The following CXCL13 variants were observed in gnomAD, a reference collection of about 807,000 sequenced individuals.
CXCL13 encodes the protein C-X-C motif chemokine ligand 13, also known as C-X-C motif chemokine 13.
CXCL13 carries 7 observed loss-of-function variants against 12.2 expected under a neutral mutation model. The observed-to-expected ratio is 0.57, with a 90% CI of 0.33 to 1.07. The LOEUF is 1.07. Ranked by LOEUF, CXCL13 falls within the 50% of genes least tolerant of loss-of-function variation. The probability of loss-of-function intolerance (pLI) is 0.04; values close to 1 mark genes in which losing one functional copy is unlikely to be tolerated. For missense variants in CXCL13, 113 were observed against 127.4 expected (o/e 0.89, Z 0.55); for synonymous variants, 47 against 42.4 (o/e 1.11, Z -0.42).
chr4:77,596,153 C>T (rs764827765), intron 1 of CXCL13, among the ~76,000 whole-genome samples: 5 of 152,136 alleles, frequency 3.3e-5, no homozygotes, highest in East Asian at 1.9e-4. Flanking sequence ...CCTGTTGTCC[C>T]GGAAGGGAGC....
At chr4:77,526,633 G>A (rs1250881082) in intron 1 of CXCL13, among the ~76,000 whole-genome samples, 1 of 152,152 alleles carries the variant, frequency 6.6e-6, no homozygotes, top group Admixed American at 6.6e-5. Flanking sequence ...AGGGCTTCAA[G>A]TGAGGAAAGA....
intron 1 of CXCL13, among the ~76,000 whole-genome samples, chr4:77,557,181 T>C (rs1220065556): frequency 1.3e-5 from 2 of 152,238 alleles, no homozygotes; most frequent in East Asian, 3.8e-4. Flanking sequence ...AATTCATTGA[T>C]TACTTGGTTC....
intron 1 of CXCL13, among the ~76,000 whole-genome samples, chr4:77,558,856 T>A (rs555484343): frequency 6.6e-6 from 1 of 152,316 alleles, no homozygotes; most frequent in South Asian, 2.1e-4. Flanking sequence ...GATCCTCAAC[T>A]TTTTTGGACC....
At chr4:77,551,625 T>C (rs1725523907) in intron 1 of CXCL13, among the ~76,000 whole-genome samples, 1 of 152,210 alleles carries the variant, frequency 6.6e-6, no homozygotes, top group Admixed American at 6.5e-5. Flanking sequence ...AAGTGTTTTC[T>C]AGAATGTCTA....
At chr4:77,515,764 T>C (rs973454480) in intron 1 of CXCL13, among the ~76,000 whole-genome samples, 2 of 152,214 alleles carry the variant, frequency 1.3e-5, no homozygotes, top group Admixed American at 6.5e-5. Context: ...CAGGGACAAT[T>C]TGACTTCCTC....
At chr4:77,564,233 G>A (rs1725875172) in intron 1 of CXCL13, among the ~76,000 whole-genome samples, 1 of 152,174 alleles carries the variant, frequency 6.6e-6, no homozygotes, top group Non-Finnish European at 1.5e-5. Context: ...TCCAACAAAA[G>A]CTGGAGTTTC....
chr4:77,559,590 CGT>C (rs376338194), intron 1 of CXCL13, among the ~76,000 whole-genome samples: 18 of 148,194 alleles, frequency 1.2e-4, no homozygotes, highest in South Asian at 2.1e-4. Flanking sequence ...CTAAATATGC[CGT>C]GTGTGTGTGT....
chr4:77,600,196 G>A (rs913295960), intron 1 of CXCL13, among the ~76,000 whole-genome samples: 2 of 151,992 alleles, frequency 1.3e-5, no homozygotes, highest in South Asian at 2.1e-4. Context: ...AGATACCAAT[G>A]TGAGAGGACT....
chr4:77,571,182 A>T (rs1726070081), intron 1 of CXCL13, among the ~76,000 whole-genome samples: 1 of 151,870 alleles, frequency 6.6e-6, no homozygotes, highest in Admixed American at 6.5e-5. Flanking sequence ...TTGTAAACAC[A>T]CCAATCAGCA....
chr4:77,539,435 A>G (rs1029395138), intron 1 of CXCL13, among the ~76,000 whole-genome samples: 1 of 151,970 alleles, frequency 6.6e-6, no homozygotes, highest in Non-Finnish European at 1.5e-5. Context: ...CCCCAGTTTG[A>G]CCTTTTGACT....
At chr4:77,549,200 G>A (rs1239975865) in intron 1 of CXCL13, among the ~76,000 whole-genome samples, 2 of 152,134 alleles carry the variant, frequency 1.3e-5, no homozygotes, top group East Asian at 3.8e-4. Flanking sequence ...GTCATTTAAG[G>A]TCTTCTCTAT....
intron 1 of CXCL13, among the ~76,000 whole-genome samples, chr4:77,549,250 A>G (rs972341802): frequency 1.3e-5 from 2 of 152,058 alleles, no homozygotes; most frequent in Non-Finnish European, 2.9e-5. Context: ...ATCTTTTTTC[A>G]AGGCCTTTAG....
chr4:77,583,717 G>A (rs1160783931), intron 1 of CXCL13, among the ~76,000 whole-genome samples: 1 of 152,230 alleles, frequency 6.6e-6, no homozygotes, highest in South Asian at 2.1e-4. Flanking sequence ...TGCATTGACC[G>A]GGTCCTCTGA....
chr4:77,552,432 G>A (rs75129840), intron 1 of CXCL13, among the ~76,000 whole-genome samples: 7,597 of 152,264 alleles, frequency 0.05, 252 homozygotes, highest in Middle Eastern at 0.095. Flanking sequence ...GCCATAGATG[G>A]CACTTATGGG....
At chr4:77,544,012 C>G (rs1442328571) in intron 1 of CXCL13, among the ~76,000 whole-genome samples, 1 of 151,978 alleles carries the variant, frequency 6.6e-6, no homozygotes, top group African/African-American at 2.4e-5. Context: ...GTTTTCTGTC[C>G]TTGCGATATT....
intron 1 of CXCL13, among the ~76,000 whole-genome samples, chr4:77,599,330 A>G (rs1726841091): frequency 6.6e-6 from 1 of 152,212 alleles, no homozygotes; most frequent in African/African-American, 2.4e-5. Context: ...CCTCCTGTAT[A>G]CTTTAAATCA....
intron 1 of CXCL13, among the ~76,000 whole-genome samples, chr4:77,536,929 G>C (rs1725072313): frequency 6.6e-6 from 1 of 152,146 alleles, no homozygotes; most frequent in Non-Finnish European, 1.5e-5. Flanking sequence ...TCATGAACCA[G>C]TGAGACATTA....
At chr4:77,532,098 G>A in intron 1 of CXCL13, among the ~76,000 whole-genome samples, 1 of 152,190 alleles carries the variant, frequency 6.6e-6, no homozygotes, top group Non-Finnish European at 1.5e-5. Flanking sequence ...TATGATGTTA[G>A]CTGGTTATTT....
chr4:77,581,963 T>C (rs1329899920), intron 1 of CXCL13, among the ~76,000 whole-genome samples: 1 of 152,212 alleles, frequency 6.6e-6, no homozygotes, highest in African/African-American at 2.4e-5. Context: ...TAAAGTTCAC[T>C]AAAGGAGAGT....
Sources: allele counts gnomAD v4.1 joint callset (sites outside exome capture counted in the v4.1 genomes callset), GRCh38; gene constraint gnomAD v4.1.1; transcripts MANE v1.5; gene names NCBI Gene and HGNC (gene_info 2026-07-23, HGNC 2026-07-21).